Variants in TTC3 observed in about 807,000 individuals in gnomAD.
TTC3 encodes the protein tetratricopeptide repeat domain 3, also known as E3 ubiquitin-protein ligase TTC3.
In TTC3, 180 loss-of-function variants were observed where a neutral mutation model predicts 249.6. That is an observed-to-expected ratio of 0.72 (90% CI 0.64 to 0.82). TTC3 has a LOEUF of 0.82. Ranked by LOEUF, TTC3 falls within the 40% of genes least tolerant of loss-of-function variation. The probability of loss-of-function intolerance (pLI) is 0.00; values close to 1 mark genes in which losing one functional copy is unlikely to be tolerated. For missense variants in TTC3, 2,061 were observed against 2,398.4 expected, an observed-to-expected ratio of 0.86 and a Z score of 2.94; for synonymous variants, 717 against 805.0, an observed-to-expected ratio of 0.89 and a Z score of 1.85.
chr21:37,111,949 A>G (rs1304384442), intron 11 of TTC3, among the ~76,000 whole-genome samples: 2 of 36,174 alleles, frequency 5.5e-5, no homozygotes, highest in Non-Finnish European at 1.2e-4. Flanking sequence ...CTGAATGACT[A>G]CTGGGTACTT....
At chr21:37,095,046 G>C (rs2073765405) in intron 8 of TTC3, among the ~76,000 whole-genome samples, 1 of 151,652 alleles carries the variant, frequency 6.6e-6, no homozygotes, top group Non-Finnish European at 1.5e-5. Flanking sequence ...TGAGATGAGA[G>C]GATCCCTTGG....
intron 28 of TTC3, 65 bp from the exon 29 acceptor site, chr21:37,159,634 T>C (rs893438358): frequency 3.4e-5 from 52 of 1,521,894 alleles, no homozygotes; most frequent in Non-Finnish European, 4.6e-5. Flanking sequence ...TTTTAAGGCT[T>C]TAGTGTACTA....
chr21:37,083,674 G>A (rs980360422), intron 1 of TTC3: 9 of 152,346 alleles, frequency 5.9e-5, no homozygotes, highest in African/African-American at 2.2e-4. Flanking sequence ...CATACAGAAA[G>A]AGGAAAGAAC....
chr21:37,117,138 C>T (rs1028293367), intron 11 of TTC3, among the ~76,000 whole-genome samples: 1 of 152,028 alleles, frequency 6.6e-6, no homozygotes, highest in Non-Finnish European at 1.5e-5. Context: ...GCCTGGAGAC[C>T]TTGTTTAAAA....
At chr21:37,086,504 C>G (rs1601282330) in intron 1 of TTC3, 1 of 152,214 alleles carries the variant, frequency 6.6e-6, no homozygotes, top group Non-Finnish European at 1.5e-5. Flanking sequence ...CATTGAAATA[C>G]GTATTTTTAA....
chr21:37,108,067 A>G (rs2147794042), intron 10 of TTC3: 2 of 177,354 alleles, frequency 1.1e-5, no homozygotes. Context: ...CCTGGGCGAC[A>G]GAGCGAGACT....
exon 35 of TTC3, chr21:37,172,694 G>A: frequency 1.2e-6 from 2 of 1,614,104 alleles, no homozygotes; most frequent in Non-Finnish European, 1.7e-6. Flanking sequence ...GGGCTTAGAA[G>A]AGACCAGGGA....
chr21:37,080,635 G>T (rs990618169), intron 1 of TTC3, among the ~76,000 whole-genome samples: 1 of 152,074 alleles, frequency 6.6e-6, no homozygotes, highest in African/African-American at 2.4e-5. Context: ...TCTGTATTTT[G>T]AGACTTTTAT....
At chr21:37,135,471 C>G in exon 18 of TTC3, 4 of 1,613,890 alleles carry the variant, frequency 2.5e-6, no homozygotes, top group Non-Finnish European at 3.4e-6. Context: ...GCTGCACAGG[C>G]CTTTACAGAG....
chr21:37,159,556 TA>T, intron 28 of TTC3, 142 bp from the exon 29 acceptor site: 2 of 914,896 alleles, frequency 2.2e-6, no homozygotes, highest in Non-Finnish European at 3.2e-6. Context: ...CCTTGGTTTC[TA>T]AACTACACTT....
chr21:37,191,473 T>C (rs1046697066), intron 40 of TTC3, 49 bp downstream of exon 40: 5 of 1,232,844 alleles, frequency 4.1e-6, no homozygotes, highest in Middle Eastern at 2.1e-4. Context: ...ATGATAGTTA[T>C]AATTCTCGGG....
At chr21:37,132,751 C>T (rs1366216012) in exon 17 of TTC3, 1 of 1,605,882 alleles carries the variant, frequency 6.2e-7, no homozygotes, top group Admixed American at 1.7e-5. Flanking sequence ...CTAAATCTTC[C>T]AGAGCTGCAC....
intron 26 of TTC3, 24 bp downstream of exon 26, chr21:37,152,053 T>C: frequency 6.5e-7 from 1 of 1,550,030 alleles, no homozygotes. Flanking sequence ...AAAGGCATGA[T>C]AAGAATAATA....
chr21:37,096,502 A>G (rs927021938), intron 9 of TTC3, 79 bp from the exon 10 acceptor site: 7 of 1,171,916 alleles, frequency 6.0e-6, no homozygotes, highest in Non-Finnish European at 8.7e-6. Flanking sequence ...AAGTTTTCTC[A>G]TGCCTTATGT....
At chr21:37,156,555 G>A (rs1403094696) in intron 27 of TTC3, 100 bp from the exon 28 acceptor site, 1 of 1,451,268 alleles carries the variant, frequency 6.9e-7, no homozygotes. Flanking sequence ...GAGAATATAA[G>A]CAAACTATAA....
At chr21:37,160,670 G>C (rs541329921) in intron 29 of TTC3, 132 bp from the exon 30 acceptor site, 2 of 872,194 alleles carry the variant, frequency 2.3e-6, no homozygotes, top group Non-Finnish European at 3.6e-6. Flanking sequence ...ATACACTGTA[G>C]TGTTATTTTT....
intron 21 of TTC3, among the ~76,000 whole-genome samples, chr21:37,145,938 C>T (rs763443154): frequency 4.6e-5 from 7 of 152,158 alleles, no homozygotes; most frequent in South Asian, 2.1e-4. Flanking sequence ...CCTCCAACAC[C>T]GGGGATCAGA....
rs376228528 is a variant in TTC3 at position 37,186,723 on chromosome 21, G to T, written c.4827-326G>T. Among the ~76,000 whole-genome samples the T allele has an allele frequency of 1.1e-4, 16 of 152,300 alleles. No homozygotes were observed. In the East Asian group the frequency reaches 1.9e-3, roughly 18 times the overall value. On this transcript the variant is annotated intron_variant, in intron 37 of 45. Transcript: ENST00000355666. ...ATTACAGGCCTAAGCCACTGTGCCC[G>T]GCCTATACAGTTTATTAATGTCACC... is the stretch of plus-strand genomic sequence containing the variant.
rs536864245 is a variant in TTC3, at chr21:37,114,389, C to T, written c.900+5943C>T. Among the ~76,000 whole-genome samples, 26 of 152,298 alleles carry T rather than the reference C, an allele frequency of 1.7e-4. 1 individual carries two copies. The East Asian group carries it at 4.2e-3, about 25-fold the overall frequency. On this transcript the variant is annotated intron_variant, in intron 11 of 45. Coordinates refer to ENST00000355666, the Ensembl canonical transcript of TTC3. ...AGTGGGCGAAGGATATGAACAGACC[C>T]TTCTCAAAAGAAGACATTTATGTAG...
Sources: gnomAD v4.1 joint callset for allele counts (sites outside exome capture counted in the v4.1 genomes callset) on GRCh38, gnomAD v4.1.1 for gene constraint, MANE v1.5 for transcripts, NCBI Gene and HGNC (gene_info 2026-07-23, HGNC 2026-07-21) for gene names.